Variants in C14orf39 observed in about 807,000 individuals in gnomAD.
C14orf39 encodes chromosome 14 open reading frame 39, also known as protein SIX6OS1.
Under a neutral mutation model 85.6 loss-of-function variants are expected in C14orf39, and 66 were observed. The ratio of observed to expected loss-of-function variants is 0.77; its 90% CI spans 0.63 to 0.95. C14orf39 has a LOEUF of 0.95. Ranked by LOEUF, C14orf39 falls within the 40% of genes least tolerant of loss-of-function variation. The pLI, the probability that C14orf39 is intolerant of heterozygous loss-of-function variation, is 0.00. For synonymous variants in C14orf39, 242 were observed against 214.0 expected, an observed-to-expected ratio of 1.13 and a Z score of -1.14; for missense variants, 735 against 663.9, an observed-to-expected ratio of 1.11 and a Z score of -1.18.
intron 4 of C14orf39, among the ~76,000 whole-genome samples, chr14:60,481,383 G>A (rs551556165): frequency 2.0e-5 from 3 of 152,214 alleles, no homozygotes; most frequent in South Asian, 2.1e-4. Flanking sequence ...TGGGCCAGGC[G>A]CAGTGGCTCA....
At chr14:60,487,718 T>C (rs1352521835), upstream of C14orf39, among the ~76,000 whole-genome samples, 1 of 152,252 alleles carries the variant, frequency 6.6e-6, no homozygotes, top group Non-Finnish European at 1.5e-5. Flanking sequence ...GTTTCCCTAA[T>C]GGCGGTACCC....
At chr14:60,464,586 G>T (rs1891694277) in intron 11 of C14orf39, among the ~76,000 whole-genome samples, 1 of 151,960 alleles carries the variant, frequency 6.6e-6, no homozygotes, top group South Asian at 2.1e-4. Context: ...TTGGTAAATT[G>T]TTCTTTTTAA....
In C14orf39 at chr14:60,437,138, T is replaced by C. The variant is rs1890291232; in HGVS notation, c.1562-91A>G. On this transcript the variant is annotated intron_variant, in intron 17 of 17. Coordinates refer to ENST00000321731, the MANE Select transcript of C14orf39 (RefSeq NM_174978.3). ...ATTATAGCATACTGCATACAATAAA[T>C]ATGGTAACACTGAATCAGTGTTACA... The C allele has an allele frequency of 1.1e-5, 9 of 812,592 alleles. No homozygotes were observed. The Admixed American group carries it at 2.2e-4, about 20-fold the overall frequency. The allele number at this position is 812,592 out of a possible 1,614,324, so 50.3% of individuals were successfully genotyped here. A position where few individuals can be genotyped will look rare whatever the true frequency, so the allele number is the denominator to read the frequency against.
intron 1 of C14orf39, among the ~76,000 whole-genome samples, chr14:60,503,869 T>C (rs1483206084): frequency 2.0e-5 from 3 of 152,232 alleles, no homozygotes; most frequent in African/African-American, 7.2e-5. Flanking sequence ...TTGTAAATGC[T>C]TCAACTCCAC....
Position 60,436,901 on chromosome 14 carries a change from A to T in C14orf39, c.1708T>A (p.Ser570Thr), listed in dbSNP as rs778399436. Residue 570 changes from serine to threonine, a missense_variant, in exon 18 of 18, where the codon TCT becomes ACT. Transcript: ENST00000321731. ...GQGQNSIPSS[S>T]LKGFSSSSQN... ...GAGGAAGATGAAAAACCTTTTAAAGAAGAAGAAGGTATTGAATTTTGACCC... is the reference window on the plus strand; with the variant it reads ...GAGGAAGATGAAAAACCTTTTAAAGTAGAAGAAGGTATTGAATTTTGACCC... 6.2e-7 allele frequency: 1 copy of T among 1,612,560 alleles called. No individual in the cohort carries two copies. The highest frequency in any genetic ancestry group is 8.5e-7 in the Non-Finnish European group (1 of 1,179,014).
At chr14:60,457,181 T>G in intron 14 of C14orf39, 86 bp from the exon 15 acceptor site, 1 of 801,666 alleles carries the variant, frequency 1.2e-6, no homozygotes, top group Non-Finnish European at 1.9e-6. Flanking sequence ...GGAAAATACC[T>G]TATTAATCCA....
chr14:60,442,978 T>C (rs528857074), intron 16 of C14orf39, among the ~76,000 whole-genome samples: 161 of 152,208 alleles, frequency 1.1e-3, no homozygotes, highest in Non-Finnish European at 2.0e-3. Context: ...TGCAATCTTA[T>C]TGCAAATATT....
intron 2 of C14orf39, chr14:60,494,707 T>G (rs1893042308): frequency 6.6e-6 from 1 of 152,368 alleles, no homozygotes; most frequent in Non-Finnish European, 1.5e-5. Flanking sequence ...CATCTGGACT[T>G]TGGCTCTCCA....
chr14:60,500,898 GA>G (rs1893136151), intron 1 of C14orf39, among the ~76,000 whole-genome samples: 1 of 151,976 alleles, frequency 6.6e-6, no homozygotes, highest in Admixed American at 6.5e-5. Flanking sequence ...TTTCCAGTAG[GA>G]AAAAAACCTA....
rs17834394 is a variant in C14orf39 at position 60,484,270 on chromosome 14, A to C, written c.107-453T>G. ...CACTTATTTCTGTTACTAGTGATTAAATAGAAGATAAAATGGACATAATTT... is the reference window on the plus strand; with the variant it reads ...CACTTATTTCTGTTACTAGTGATTACATAGAAGATAAAATGGACATAATTT... On this transcript the variant is annotated intron_variant, in intron 3 of 17. Transcript: ENST00000321731. This position sits in a 1 kb window ranked among gnomAD's most constrained non-coding sequence, Gnocchi z 4.2. Among the ~76,000 whole-genome samples, 5,902 of 152,300 alleles carry C rather than the reference A, an allele frequency of 0.039. 165 individuals carry two copies. Among genetic ancestry groups the C allele is most frequent in the Non-Finnish European group, 0.059 (3,989 of 68,008 alleles).
At chr14:60,455,272 A>AAGTGAC in intron 15 of C14orf39, 127 bp from the exon 16 acceptor site, 2 of 607,680 alleles carry the variant, frequency 3.3e-6, no homozygotes, top group Non-Finnish European at 5.5e-6. Flanking sequence ...GTAGTTATTG[A>AAGTGAC]AGTGACAATC....
intron 16 of C14orf39, among the ~76,000 whole-genome samples, chr14:60,444,339 G>A (rs549638283): frequency 7.7e-4 from 117 of 152,220 alleles, no homozygotes; most frequent in Admixed American, 2.2e-3. Flanking sequence ...AATAAACAGC[G>A]TAGAGAAGAC....
intron 16 of C14orf39, among the ~76,000 whole-genome samples, chr14:60,447,309 T>A (rs902121479): frequency 6.6e-6 from 1 of 152,214 alleles, no homozygotes; most frequent in Non-Finnish European, 1.5e-5. Context: ...GCCCATCATC[T>A]CAGCCCAAAA....
intron 1 of C14orf39, among the ~76,000 whole-genome samples, chr14:60,500,452 A>C (rs1399065066): frequency 1.3e-5 from 2 of 152,246 alleles, no homozygotes; most frequent in African/African-American, 4.8e-5. Context: ...TTTCACATCC[A>C]ATAATTTGAA....
intron 5 of C14orf39, among the ~76,000 whole-genome samples, chr14:60,474,822 T>C (rs189527609): frequency 7.2e-5 from 11 of 152,248 alleles, no homozygotes; most frequent in Non-Finnish European, 1.3e-4. Context: ...ATTGAGGATT[T>C]TTGCAGGGAT....
intron 2 of C14orf39, chr14:60,496,039 G>A: frequency 1.4e-6 from 1 of 737,000 alleles, no homozygotes; most frequent in South Asian, 1.4e-5. Context: ...ATTTTGGCAT[G>A]AGGTAGCTTG....
At chr14:60,481,314 A>T (rs1297880206) in intron 4 of C14orf39, among the ~76,000 whole-genome samples, 1 of 152,174 alleles carries the variant, frequency 6.6e-6, no homozygotes, top group Non-Finnish European at 1.5e-5. Flanking sequence ...CTTTGAGAGG[A>T]TCTCTATTTC....
intron 1 of C14orf39, chr14:60,509,724 C>T: frequency 6.2e-7 from 1 of 1,614,156 alleles, no homozygotes; most frequent in Non-Finnish European, 8.5e-7. Flanking sequence ...CCCCTGGGAC[C>T]TGTGGACAAG....
At chr14:60,504,720 C>T (rs1414279492) in intron 1 of C14orf39, among the ~76,000 whole-genome samples, 1 of 152,172 alleles carries the variant, frequency 6.6e-6, no homozygotes, top group Non-Finnish European at 1.5e-5. Context: ...AACATTTAGG[C>T]TTGTCCTAAA....
Sources: gnomAD v4.1 joint callset for allele counts (sites outside exome capture counted in the v4.1 genomes callset) on GRCh38, gnomAD v4.1.1 for gene constraint, Gnocchi (gnomAD v3.1) non-coding constraint, MANE v1.5 for transcripts, NCBI Gene and HGNC (gene_info 2026-07-23, HGNC 2026-07-21) for gene names.